HNRNPH1: variants seen among roughly 807,000 people sequenced by gnomAD.
HNRNPH1 encodes heterogeneous nuclear ribonucleoprotein H1.
Under a neutral mutation model 58.6 loss-of-function variants are expected in HNRNPH1, and 4 were observed. That is an observed-to-expected ratio of 0.07 (90% CI 0.03 to 0.16). The LOEUF is 0.16. Among genes scored for constraint, HNRNPH1 ranks in the 10% least tolerant of loss-of-function variants. The pLI, the probability that HNRNPH1 is intolerant of heterozygous loss-of-function variation, is 1.00. For missense variants in HNRNPH1, 271 were observed against 564.2 expected (o/e 0.48, Z 5.26); for synonymous variants, 192 against 189.2 (o/e 1.01, Z -0.12).
At chr5:179,615,915 A>G in intron 11 of HNRNPH1, 2 of 532,722 alleles carry the variant, frequency 3.8e-6, no homozygotes, top group South Asian at 5.7e-5. Flanking sequence ...TGTTTCTGAA[A>G]ATTAGCTAGT....
At chr5:179,632,851 ATTTTTT>A (rs56128695) in intron 2 of HNRNPH1, among the ~76,000 whole-genome samples, 2 of 57,550 alleles carry the variant, frequency 3.5e-5, no homozygotes, top group South Asian at 8.6e-4. Context: ...AGCCCGGCGA[ATTTTTT>A]TTTTTTTTTT....
chr5:179,617,630 G>A, exon 8 of HNRNPH1: 1 of 1,613,238 alleles, frequency 6.2e-7, no homozygotes, highest in Non-Finnish European at 8.5e-7. Flanking sequence ...TACTCTCACA[G>A]GGTTGAGCGG....
upstream of HNRNPH1, among the ~76,000 whole-genome samples, chr5:179,628,188 A>G (rs765992281): frequency 7.2e-5 from 11 of 152,194 alleles, no homozygotes; most frequent in Non-Finnish European, 1.5e-4. Flanking sequence ...AGCCATGGAT[A>G]TGTTCCTTTG....
chr5:179,616,981 C>CAA (rs34734159), intron 9 of HNRNPH1, 23 bp from the exon 11 acceptor site: 291,793 of 1,253,920 alleles, frequency 0.23, 72,214 homozygotes, highest in Middle Eastern at 0.3. Flanking sequence ...AAAAGGCATA[C>CAA]AAGGTTAGCT....
upstream of HNRNPH1, among the ~76,000 whole-genome samples, chr5:179,628,917 G>A (rs952082586): frequency 6.6e-6 from 1 of 152,126 alleles, no homozygotes; most frequent in African/African-American, 2.4e-5. Context: ...AGAGACAGAG[G>A]TTGCAGTGAG....
chr5:179,621,504 T>TAGTGG, intron 1 of HNRNPH1, 107 bp from the exon 3 acceptor site: 2 of 944,906 alleles, frequency 2.1e-6, no homozygotes, highest in Non-Finnish European at 3.2e-6. Context: ...ACATAACTTG[T>TAGTGG]GAAGCCTATA....
chr5:179,624,793 T>C (rs559984687), upstream of HNRNPH1: 68 of 390,172 alleles, frequency 1.7e-4, no homozygotes, highest in African/African-American at 1.4e-3. Flanking sequence ...TGCTGGACCC[T>C]GCCGCAGAGC....
chr5:179,614,811 G>A (rs569243079), exon 13 of HNRNPH1: 198 of 608,740 alleles, frequency 3.3e-4, no homozygotes, highest in Non-Finnish European at 1.4e-4. Flanking sequence ...AAAAAAGGTT[G>A]ACCAAGAGTC....
chr5:179,616,788 A>G, intron 10 of HNRNPH1, 81 bp downstream of exon 11: 1 of 1,219,650 alleles, frequency 8.2e-7, no homozygotes, highest in Non-Finnish European at 1.2e-6. Context: ...TAAACTTATT[A>G]AATAAATAGA....
upstream of HNRNPH1, among the ~76,000 whole-genome samples, chr5:179,624,870 A>G (rs1774208287): frequency 6.6e-6 from 1 of 152,222 alleles, no homozygotes; most frequent in South Asian, 2.1e-4. Flanking sequence ...TTCCAACCCC[A>G]GTGCCACAGA....
intron 8 of HNRNPH1, 44 bp from the exon 10 acceptor site, chr5:179,617,154 CA>C (rs1388793597): frequency 1.9e-6 from 3 of 1,575,228 alleles, no homozygotes; most frequent in South Asian, 2.2e-5. Context: ...GTTGGTGAAA[CA>C]AAACAGAATA....
rs7721423 is a variant in HNRNPH1, at chr5:179,632,966, T to A, written c.-32+1099A>T. 4.7e-3 allele frequency among the ~76,000 whole-genome samples: 696 copies of A among 149,478 alleles called. 6 individuals carry two copies. The highest frequency in any genetic ancestry group is 0.016 in the African/African-American group (661 of 40,592). On this transcript the variant is annotated intron_variant, in intron 2 of 4. Coordinates refer to the HNRNPH1 transcript ENST00000521116. Reference sequence around the variant, plus strand: ...TCCAGCTCCTGTATTCAAGCGATTCTCCAGCCTCATTCTCCCCACTAGCTG... The same window carrying A: ...TCCAGCTCCTGTATTCAAGCGATTCACCAGCCTCATTCTCCCCACTAGCTG...
chr5:179,621,686 C>G lies in HNRNPH1; in HGVS notation c.98-289G>C, dbSNP rs530014130. On this transcript the variant is annotated intron_variant, in intron 1 of 12. Coordinates refer to ENST00000356731, the Ensembl canonical transcript of HNRNPH1. ...CATGTCTACATCACACATCTTTTAT[C>G]AATTTCTCAGAAGATTATCAAGCCT... The G allele has an allele frequency of 9.4e-5, 41 of 436,606 alleles. 2 individuals carry two copies. The highest frequency in any genetic ancestry group is 6.3e-4 in the South Asian group (27 of 42,588). The allele number at this position is 436,606 out of a possible 1,614,324, so 27.0% of individuals were successfully genotyped here.
chr5:179,629,097 A>G (rs1398107760), upstream of HNRNPH1: 3 of 149,138 alleles, frequency 2.0e-5, no homozygotes, highest in East Asian at 2.1e-4. Context: ...GCAGATCGAG[A>G]CCATCCTGGA....
exon 7 of HNRNPH1, chr5:179,617,849 C>T (rs1160966014): frequency 6.2e-7 from 1 of 1,613,496 alleles, no homozygotes; most frequent in Non-Finnish European, 8.5e-7. Flanking sequence ...CGCATGTGTA[C>T]ACAGTGTCCT....
At chr5:179,625,272 G>C (rs1774268508), upstream of HNRNPH1, among the ~76,000 whole-genome samples, 1 of 152,172 alleles carries the variant, frequency 6.6e-6, no homozygotes, top group East Asian at 1.9e-4. Flanking sequence ...GAGGCAGGCA[G>C]ATCACTTGAG....
intron 7 of HNRNPH1, 61 bp from the exon 9 acceptor site, chr5:179,617,710 A>C: frequency 1.2e-6 from 2 of 1,603,386 alleles, no homozygotes; most frequent in East Asian, 2.2e-5. Flanking sequence ...AAAAAACCTA[A>C]AATTTCTAAC....
chr5:179,620,131 TTC>T (rs1202142612), intron 3 of HNRNPH1: 1 of 152,230 alleles, frequency 6.6e-6, no homozygotes, highest in Non-Finnish European at 1.5e-5. Context: ...ATTTTAAAAA[TTC>T]TGACATTAGG....
At chr5:179,617,231 T>A in intron 8 of HNRNPH1, 121 bp from the exon 10 acceptor site, 1 of 971,426 alleles carries the variant, frequency 1.0e-6, no homozygotes, top group Non-Finnish European at 1.6e-6. Flanking sequence ...AAAGAAATTC[T>A]AGCTACTTCT....
Sources: gnomAD v4.1 joint callset for allele counts (sites outside exome capture counted in the v4.1 genomes callset) on GRCh38, gnomAD v4.1.1 for gene constraint, MANE v1.5 for transcripts, NCBI Gene and HGNC (gene_info 2026-07-23, HGNC 2026-07-21) for gene names.